Variants in FOXN3 observed in about 807,000 individuals in gnomAD.
FOXN3 encodes forkhead box protein N3.
Under a neutral mutation model 38.4 loss-of-function variants are expected in FOXN3, and 7 were observed. The observed-to-expected ratio is 0.18, with a 90% confidence interval of 0.10 to 0.34. The LOEUF (loss-of-function observed/expected upper bound fraction) is 0.34, where lower values mean the gene tolerates loss of function less well. Among genes scored for constraint, FOXN3 ranks in the 10% least tolerant of loss-of-function variants. The probability of loss-of-function intolerance (pLI) is 1.00; values close to 1 mark genes in which losing one functional copy is unlikely to be tolerated. For missense variants in FOXN3, 456 were observed against 613.4 expected, an observed-to-expected ratio of 0.74 and a Z score of 2.71; for synonymous variants, 230 against 242.2, an observed-to-expected ratio of 0.95 and a Z score of 0.47.
intron 4 of FOXN3, among the ~76,000 whole-genome samples, chr14:89,264,444 A>G (rs72701611): frequency 0.014 from 2,084 of 152,298 alleles, 36 homozygotes; most frequent in Middle Eastern, 0.041. Flanking sequence ...CCATGATTCA[A>G]TTATCTCCCA....
intron 1 of FOXN3, among the ~76,000 whole-genome samples, chr14:89,424,420 AC>A (rs1265936089): frequency 1.3e-5 from 2 of 152,222 alleles, no homozygotes; most frequent in African/African-American, 2.4e-5. Context: ...CTCTGAGCAA[AC>A]AGGAGAATTG....
At position 89,611,969 on chromosome 14, in the gene FOXN3, G is replaced by A. The variant is rs986123458; in HGVS notation, c.-15+7059C>T. On this transcript the variant is annotated intron_variant, in intron 1 of 6. Coordinates refer to the FOXN3 transcript ENST00000345097. Reference sequence around the variant, plus strand: ...ACCCATCCTGCTTTTTCTTCCCCCCGAAGGGAACTCCATTTTCTGTGTGGA... The same window carrying A: ...ACCCATCCTGCTTTTTCTTCCCCCCAAAGGGAACTCCATTTTCTGTGTGGA... 6.6e-5 allele frequency among the ~76,000 whole-genome samples: 10 copies of A among 151,998 alleles called. No homozygotes were observed. In the East Asian group the frequency reaches 1.2e-3, roughly 18 times the overall value.
chr14:89,593,179 A>C (rs1419565022), intron 1 of FOXN3, among the ~76,000 whole-genome samples: 2 of 130,940 alleles, frequency 1.5e-5, no homozygotes, highest in Non-Finnish European at 3.2e-5. Flanking sequence ...GGAAGGAGGG[A>C]GGAAGGAAGG....
chr14:89,521,366 G>T (rs370331300), intron 1 of FOXN3, among the ~76,000 whole-genome samples: 3 of 151,572 alleles, frequency 2.0e-5, no homozygotes, highest in Non-Finnish European at 2.9e-5. Context: ...GATAGAGAGA[G>T]AGAGAGAGAG....
At position 89,412,710 on chromosome 14, in the gene FOXN3, G is replaced by A. The variant is rs1169099360; in HGVS notation, c.-14-220C>T. Among the ~76,000 whole-genome samples, 1 of 152,118 alleles carries A rather than the reference G, an allele frequency of 6.6e-6. No individual in the cohort carries two copies. Among genetic ancestry groups the A allele is most frequent in the Non-Finnish European group, 1.5e-5 (1 of 68,022 alleles). On this transcript the variant is annotated intron_variant, in intron 1 of 5. Transcript: ENST00000557258. This position sits in a 1 kb window ranked among gnomAD's most constrained non-coding sequence, Gnocchi z 4.7. Reference sequence around the variant, plus strand: ...AATCAGCCCGCCATTCATATAGCAAGGTGACCTGATGCCCCTTAAATAAAA... The same window carrying A: ...AATCAGCCCGCCATTCATATAGCAAAGTGACCTGATGCCCCTTAAATAAAA...
chr14:89,462,748 G>A (rs1488545443), intron 1 of FOXN3, among the ~76,000 whole-genome samples: 1 of 150,586 alleles, frequency 6.6e-6, no homozygotes, highest in Non-Finnish European at 1.5e-5. Context: ...GCAGTGGCAC[G>A]ATCTCGGCTC....
intron 4 of FOXN3, among the ~76,000 whole-genome samples, chr14:89,271,252 TC>T (rs1288305285): frequency 6.6e-6 from 1 of 152,232 alleles, no homozygotes; most frequent in Non-Finnish European, 1.5e-5. Context: ...GAGTTATTCT[TC>T]CTCATTAAAA....
At chr14:89,480,969 G>A (rs1269760738) in intron 1 of FOXN3, among the ~76,000 whole-genome samples, 1 of 152,034 alleles carries the variant, frequency 6.6e-6, no homozygotes, top group Admixed American at 6.6e-5. Context: ...TTGTGGGTTT[G>A]GTTTTGAACA....
At chr14:89,242,138 A>G (rs895128067) in intron 4 of FOXN3, among the ~76,000 whole-genome samples, 2 of 152,176 alleles carry the variant, frequency 1.3e-5, no homozygotes, top group African/African-American at 4.8e-5. Context: ...CATCCTGCAC[A>G]TGGCATTAGA....
At chr14:89,414,646 C>T (rs1196595285) in intron 1 of FOXN3, among the ~76,000 whole-genome samples, 1 of 151,652 alleles carries the variant, frequency 6.6e-6, no homozygotes. Flanking sequence ...CCCTGCCTCC[C>T]AGGTTCAAGA....
chr14:89,453,538 C>T (rs534010048), intron 1 of FOXN3, among the ~76,000 whole-genome samples: 46 of 125,640 alleles, frequency 3.7e-4, no homozygotes, highest in African/African-American at 1.3e-3. Flanking sequence ...CCAGCCTGGG[C>T]GACACAGCAA....
chr14:89,407,793 T>C (rs1891434431), intron 2 of FOXN3, among the ~76,000 whole-genome samples: 1 of 152,192 alleles, frequency 6.6e-6, no homozygotes. Flanking sequence ...ATTATGCCAC[T>C]GCGCTCCAGC....
At chr14:89,497,973 C>T (rs1430884491) in intron 1 of FOXN3, among the ~76,000 whole-genome samples, 1 of 152,020 alleles carries the variant, frequency 6.6e-6, no homozygotes, top group Middle Eastern at 3.4e-3. Flanking sequence ...CAGTATCTCA[C>T]TAATTTCGAT....
intron 1 of FOXN3, among the ~76,000 whole-genome samples, chr14:89,611,545 G>A (rs1176590836): frequency 1.3e-5 from 2 of 152,180 alleles, no homozygotes; most frequent in Admixed American, 6.5e-5. Context: ...GGTGGCTCAC[G>A]CCTGTAATCC....
intron 2 of FOXN3, among the ~76,000 whole-genome samples, chr14:89,387,737 A>G (rs1744218762): frequency 6.6e-6 from 1 of 152,234 alleles, no homozygotes; most frequent in South Asian, 2.1e-4. Context: ...CTTAGGACAG[A>G]GTTGGTCTGG....
chr14:89,307,493 G>A (rs560957748), intron 3 of FOXN3, among the ~76,000 whole-genome samples: 1 of 152,294 alleles, frequency 6.6e-6, no homozygotes, highest in South Asian at 2.1e-4. Flanking sequence ...ACCAGATAAT[G>A]CTGGATGGCC....
intron 1 of FOXN3, among the ~76,000 whole-genome samples, chr14:89,425,920 C>T (rs898626545): frequency 9.9e-5 from 15 of 152,096 alleles, no homozygotes; most frequent in Non-Finnish European, 8.8e-5. Flanking sequence ...TCATTCACAA[C>T]GAACTGTGCC....
intron 1 of FOXN3, among the ~76,000 whole-genome samples, chr14:89,519,288 C>T (rs1358210637): frequency 6.6e-6 from 1 of 152,188 alleles, no homozygotes; most frequent in Admixed American, 6.5e-5. Flanking sequence ...ACATGCCTGC[C>T]GAGAGAAAAT....
intron 4 of FOXN3, among the ~76,000 whole-genome samples, chr14:89,246,400 C>G (rs1302929818): frequency 6.6e-6 from 1 of 152,072 alleles, no homozygotes; most frequent in African/African-American, 2.4e-5. Flanking sequence ...GACCCCTCAC[C>G]CTGAAACCAT....
Sources: gnomAD v4.1 joint callset for allele counts (sites outside exome capture counted in the v4.1 genomes callset) on GRCh38, gnomAD v4.1.1 for gene constraint, Gnocchi (gnomAD v3.1) non-coding constraint, MANE v1.5 for transcripts, NCBI Gene and HGNC (gene_info 2026-07-23, HGNC 2026-07-21) for gene names.